Variants in SGCZ observed in about 807,000 individuals in gnomAD.
SGCZ encodes the protein zeta-sarcoglycan.
A neutral mutation model predicts 41.3 loss-of-function variants in SGCZ; 40 were observed. That is an observed-to-expected ratio of 0.97 (90% CI 0.75 to 1.26). The LOEUF is 1.26. Among genes scored for constraint, SGCZ ranks in the 50% most tolerant of loss-of-function variants. SGCZ has a pLI of 0.00. For missense variants in SGCZ, 552 were observed against 369.8 expected, an observed-to-expected ratio of 1.49 and a Z score of -4.04; for synonymous variants, 206 against 137.5, an observed-to-expected ratio of 1.50 and a Z score of -3.49.
chr8:14,587,289 T>C (rs1805091071), intron 1 of SGCZ, among the ~76,000 whole-genome samples: 1 of 151,758 alleles, frequency 6.6e-6, no homozygotes, highest in South Asian at 2.1e-4. Flanking sequence ...GAAAAAAATG[T>C]TTAATTAAAA....
chr8:14,820,380 T>C (rs1282838130), intron 1 of SGCZ, among the ~76,000 whole-genome samples: 1 of 152,028 alleles, frequency 6.6e-6, no homozygotes, highest in Admixed American at 6.6e-5. Flanking sequence ...TTATTACATC[T>C]AAAGGAATGG....
At chr8:14,845,252 T>C (rs546372169) in intron 1 of SGCZ, among the ~76,000 whole-genome samples, 2 of 152,220 alleles carry the variant, frequency 1.3e-5, no homozygotes, top group South Asian at 4.1e-4. Flanking sequence ...CACAGATGCA[T>C]CTTGTCTCAG....
At chr8:14,900,135 T>C (rs537653628) in intron 1 of SGCZ, among the ~76,000 whole-genome samples, 9 of 152,210 alleles carry the variant, frequency 5.9e-5, no homozygotes, top group African/African-American at 1.9e-4. Flanking sequence ...ATTTTATCAG[T>C]ATAAATCACA....
chr8:14,776,338 T>A (rs181209661), intron 1 of SGCZ, among the ~76,000 whole-genome samples: 13 of 151,966 alleles, frequency 8.6e-5, no homozygotes, highest in Non-Finnish European at 1.6e-4. Flanking sequence ...AATGGTTTTA[T>A]AAATGCAAGT....
At chr8:15,009,435 G>A (rs973333348) in intron 1 of SGCZ, among the ~76,000 whole-genome samples, 1 of 133,860 alleles carries the variant, frequency 7.5e-6, no homozygotes, top group African/African-American at 2.7e-5. Context: ...GATTTGGGTG[G>A]GGACAGAAAT....
chr8:15,193,012 AC>A (rs1800590355), intron 1 of SGCZ, among the ~76,000 whole-genome samples: 1 of 152,086 alleles, frequency 6.6e-6, no homozygotes, highest in Non-Finnish European at 1.5e-5. Context: ...TTTAATGACC[AC>A]TACTGAAGTT....
chr8:15,035,254 G>A (rs1318012027), intron 1 of SGCZ, among the ~76,000 whole-genome samples: 1 of 152,110 alleles, frequency 6.6e-6, no homozygotes, highest in African/African-American at 2.4e-5. Flanking sequence ...TGCAATTAAA[G>A]CTAATTTGTT....
chr8:14,725,206 T>C (rs570197234), intron 1 of SGCZ, among the ~76,000 whole-genome samples: 8 of 152,336 alleles, frequency 5.3e-5, no homozygotes, highest in East Asian at 1.9e-4. Flanking sequence ...TAATATTCCA[T>C]TGTGTATATA....
chr8:14,963,341 T>C lies in SGCZ; in HGVS notation c.39+274244A>G, dbSNP rs59020627. 4.3e-4 allele frequency among the ~76,000 whole-genome samples: 64 copies of C among 149,626 alleles called. 1 individual carries two copies. Among genetic ancestry groups the C allele is most frequent in the African/African-American group, 1.4e-3 (59 of 41,112 alleles). On this transcript the variant is annotated intron_variant, in intron 1 of 7. Coordinates refer to ENST00000382080, the MANE Select transcript of SGCZ (RefSeq NM_139167.4). ...ATAAATTCATTTTCTTTTTCTTCTT[T>C]TTTTTTTTTTGTTTGGAGACAGAGT...
intron 1 of SGCZ, among the ~76,000 whole-genome samples, chr8:15,105,930 T>C (rs926248077): frequency 2.0e-5 from 3 of 152,180 alleles, no homozygotes; most frequent in Admixed American, 6.5e-5. Context: ...CTGGCAATTA[T>C]TGAATATTCC....
chr8:14,122,386 T>C (rs991093481), intron 5 of SGCZ, among the ~76,000 whole-genome samples: 1 of 152,136 alleles, frequency 6.6e-6, no homozygotes, highest in Admixed American at 6.5e-5. Flanking sequence ...CATTCTGGGG[T>C]CCTTTCCCTT....
chr8:14,427,781 C>T (rs182493241), intron 2 of SGCZ, among the ~76,000 whole-genome samples: 3 of 152,204 alleles, frequency 2.0e-5, no homozygotes, highest in Admixed American at 6.5e-5. Flanking sequence ...GACAGTAATT[C>T]AACTTAAACA....
intron 5 of SGCZ, among the ~76,000 whole-genome samples, chr8:14,126,685 G>C (rs1468655116): frequency 6.6e-6 from 1 of 152,026 alleles, no homozygotes; most frequent in Non-Finnish European, 1.5e-5. Context: ...ATACACACAC[G>C]TATGTTTACT....
At chr8:15,097,303 C>CA (rs1259823034) in intron 1 of SGCZ, among the ~76,000 whole-genome samples, 1 of 151,996 alleles carries the variant, frequency 6.6e-6, no homozygotes, top group Admixed American at 6.6e-5. Context: ...TACTCTAATG[C>CA]AAAAAGACTT....
intron 1 of SGCZ, among the ~76,000 whole-genome samples, chr8:14,730,406 C>T (rs1042670883): frequency 2.6e-5 from 4 of 151,902 alleles, no homozygotes; most frequent in Non-Finnish European, 4.4e-5. Context: ...TCAGTAAAAT[C>T]GATTAGAATA....
intron 3 of SGCZ, among the ~76,000 whole-genome samples, chr8:14,320,403 C>T (rs1028336390): frequency 6.6e-6 from 1 of 151,380 alleles, no homozygotes; most frequent in African/African-American, 2.4e-5. Flanking sequence ...TTGCTGTGCT[C>T]GCCTGGCCCC....
intron 5 of SGCZ, among the ~76,000 whole-genome samples, chr8:14,150,231 A>C (rs1165469351): frequency 6.6e-6 from 1 of 152,126 alleles, no homozygotes; most frequent in African/African-American, 2.4e-5. Flanking sequence ...TGAGTCACCA[A>C]AGTGAAGAGA....
chr8:15,227,993 C>T (rs949858535), intron 1 of SGCZ, among the ~76,000 whole-genome samples: 11 of 152,028 alleles, frequency 7.2e-5, no homozygotes, highest in African/African-American at 2.7e-4. Context: ...TGGCTTAAAT[C>T]GTATCTTTCC....
chr8:14,565,313 C>CTT (rs140341746), intron 1 of SGCZ, among the ~76,000 whole-genome samples: 19 of 147,070 alleles, frequency 1.3e-4, no homozygotes, highest in African/African-American at 4.5e-4. Flanking sequence ...AATGCAATGA[C>CTT]TTTTTTTTTT....
Sources: allele counts gnomAD v4.1 joint callset (sites outside exome capture counted in the v4.1 genomes callset), GRCh38; gene constraint gnomAD v4.1.1; transcripts MANE v1.5; gene names NCBI Gene and HGNC (gene_info 2026-07-23, HGNC 2026-07-21).